The following GRAMD2B variants were observed in gnomAD, a reference collection of about 807,000 sequenced individuals.
GRAMD2B encodes GRAM domain containing 2B.
Under a neutral mutation model 59.2 loss-of-function variants are expected in GRAMD2B, and 41 were observed. The ratio of observed to expected loss-of-function variants is 0.69; its 90% CI spans 0.54 to 0.90. The LOEUF is 0.90. GRAMD2B is among the 40% of genes least tolerant of loss of function. The pLI, the probability that GRAMD2B is intolerant of heterozygous loss-of-function variation, is 0.00. For missense variants in GRAMD2B, 424 were observed against 500.5 expected (o/e 0.85, Z 1.46); for synonymous variants, 161 against 182.7 (o/e 0.88, Z 0.96).
intron 1 of GRAMD2B, among the ~76,000 whole-genome samples, chr5:126,372,963 G>C (rs538547178): frequency 6.6e-6 from 1 of 151,890 alleles, no homozygotes; most frequent in South Asian, 2.1e-4. Context: ...AATACATAAA[G>C]TATAATTGAA....
chr5:126,364,303 G>A (rs1179022430), intron 1 of GRAMD2B, among the ~76,000 whole-genome samples: 1 of 152,116 alleles, frequency 6.6e-6, no homozygotes, highest in Admixed American at 6.5e-5. Context: ...ACTGAGTCTG[G>A]ATCTAATTGC....
chr5:126,418,427 C>T (rs894964757), upstream of GRAMD2B, among the ~76,000 whole-genome samples: 4 of 152,304 alleles, frequency 2.6e-5, no homozygotes, highest in African/African-American at 7.2e-5. Flanking sequence ...ACAAAACTAT[C>T]CTCTGGCCCC....
At chr5:126,411,841 G>GGTGTGTGTGTGTGTGTGTGT (rs147604532) in intron 1 of GRAMD2B, among the ~76,000 whole-genome samples, 171 of 148,874 alleles carry the variant, frequency 1.1e-3, no homozygotes, top group Admixed American at 2.8e-3. Flanking sequence ...ATATATTTCT[G>GGTGTGTGTGTGTGTGTGTGT]GTGTGTGTGT....
At position 126,473,457 on chromosome 5, in the gene GRAMD2B, A is replaced by G. The variant is rs190287078; in HGVS notation, c.486+89A>G. The G allele has an allele frequency of 5.8e-3, 2,541 of 436,924 alleles. 8 individuals carry two copies. The highest frequency in any genetic ancestry group is 8.3e-3 in the Non-Finnish European group (2,037 of 245,004). 27.1% of individuals were successfully genotyped at this position (436,924 alleles called of 1,614,324 possible). The stretch of plus-strand genomic sequence containing the variant: ...ATCTTAAATTTAGCTATATTTGTAG[A>G]TATTTGTATCATGGTTATTCTTTTA... On this transcript the variant is annotated intron_variant, in intron 5 of 13. Transcript: ENST00000285689.
intron 1 of GRAMD2B, among the ~76,000 whole-genome samples, chr5:126,459,930 GA>G (rs1209225385): frequency 6.6e-6 from 1 of 152,156 alleles, no homozygotes. Context: ...TCCATTTCCA[GA>G]AAATTATTCA....
chr5:126,394,755 T>C (rs1311852036), intron 1 of GRAMD2B, among the ~76,000 whole-genome samples: 1 of 152,226 alleles, frequency 6.6e-6, no homozygotes, highest in Non-Finnish European at 1.5e-5. Flanking sequence ...AATTTAAATA[T>C]ACATACAGAT....
chr5:126,380,732 A>T (rs1240425132), intron 1 of GRAMD2B, among the ~76,000 whole-genome samples: 1 of 152,134 alleles, frequency 6.6e-6, no homozygotes, highest in Non-Finnish European at 1.5e-5. Context: ...AAAGCTACTG[A>T]TTTGTGTACA....
chr5:126,467,319 TAATA>T (rs1239172531), intron 2 of GRAMD2B: 1 of 152,008 alleles, frequency 6.6e-6, no homozygotes, highest in Admixed American at 6.5e-5. Flanking sequence ...ATTAATTAAT[TAATA>T]ATTTTTATAT....
chr5:126,360,319 T>C (rs182831138), exon 1 of GRAMD2B: 544 of 1,550,946 alleles, frequency 3.5e-4, no homozygotes, highest in Middle Eastern at 3.2e-3. Flanking sequence ...GAAGATCACC[T>C]GGCCTCTAGA....
chr5:126,469,368 G>A (rs1021237716), intron 2 of GRAMD2B, among the ~76,000 whole-genome samples: 2 of 152,178 alleles, frequency 1.3e-5, no homozygotes, highest in Non-Finnish European at 2.9e-5. Flanking sequence ...TAGGCCAGGT[G>A]TGGTGACTCA....
chr5:126,415,839 TA>T lies in GRAMD2B; in HGVS notation c.125+44277del, dbSNP rs545967899. ...TCAAAAAAGAAAAAGAAAATATATT[TA>T]AAAAGACGAAAAGTCAGAATAAGCA... On this transcript the variant is annotated intron_variant, in intron 1 of 8. Coordinates refer to the GRAMD2B transcript ENST00000506445. Among the ~76,000 whole-genome samples the T allele has an allele frequency of 4.5e-3, 692 of 152,132 alleles. 1 individual carries two copies. The highest frequency in any genetic ancestry group is 0.016 in the African/African-American group (657 of 41,522).
intron 1 of GRAMD2B, among the ~76,000 whole-genome samples, chr5:126,425,765 A>C (rs937206725): frequency 2.0e-5 from 3 of 152,204 alleles, no homozygotes; most frequent in Non-Finnish European, 4.4e-5. Context: ...ACCCTGTCTC[A>C]AAACTAAAAT....
At chr5:126,367,790 C>T (rs1165473665), upstream of GRAMD2B, among the ~76,000 whole-genome samples, 1 of 152,092 alleles carries the variant, frequency 6.6e-6, no homozygotes. Flanking sequence ...CTCACTCTGT[C>T]GCCCAGGCTG....
chr5:126,481,040 G>A (rs548535881), intron 8 of GRAMD2B: 753 of 310,036 alleles, frequency 2.4e-3, no homozygotes, highest in Non-Finnish European at 3.6e-3. Context: ...TTTGAGGTAG[G>A]ACTGAATCAT....
intron 1 of GRAMD2B, among the ~76,000 whole-genome samples, chr5:126,376,781 T>C (rs952649688): frequency 1.3e-5 from 2 of 152,048 alleles, no homozygotes; most frequent in Non-Finnish European, 1.5e-5. Context: ...ATAATGGCAT[T>C]AGTTTTCTGG....
chr5:126,391,771 C>T (rs971542020), intron 1 of GRAMD2B, among the ~76,000 whole-genome samples: 1 of 152,150 alleles, frequency 6.6e-6, no homozygotes, highest in African/African-American at 2.4e-5. Context: ...GGATTGATTA[C>T]TAATGGGTAC....
intron 1 of GRAMD2B, among the ~76,000 whole-genome samples, chr5:126,451,902 G>A (rs1465004150): frequency 6.6e-6 from 1 of 151,910 alleles, no homozygotes; most frequent in Non-Finnish European, 1.5e-5. Flanking sequence ...AAGAGTCTTG[G>A]ACTTCCCCTT....
chr5:126,371,596 CG>C, intron 1 of GRAMD2B: 1 of 1,265,958 alleles, frequency 7.9e-7, no homozygotes, highest in Non-Finnish European at 1.0e-6. Context: ...TGGCCATCCA[CG>C]TCTGTCCCCC....
chr5:126,420,575 C>T (rs545979330), upstream of GRAMD2B, among the ~76,000 whole-genome samples: 7 of 152,310 alleles, frequency 4.6e-5, no homozygotes, highest in East Asian at 1.2e-3. Flanking sequence ...GAACTTTAAG[C>T]TATTTTAGGG....
Sources: allele counts gnomAD v4.1 joint callset (sites outside exome capture counted in the v4.1 genomes callset), GRCh38; gene constraint gnomAD v4.1.1; transcripts MANE v1.5; gene names NCBI Gene and HGNC (gene_info 2026-07-23, HGNC 2026-07-21).